The following PPP1R1C variants were observed in gnomAD, a reference collection of about 807,000 sequenced individuals.
PPP1R1C encodes the protein protein phosphatase 1 regulatory subunit 1C.
A neutral mutation model predicts 17.4 loss-of-function variants in PPP1R1C; 15 were observed. The ratio of observed to expected loss-of-function variants is 0.86; its 90% CI spans 0.58 to 1.33. The LOEUF (loss-of-function observed/expected upper bound fraction) is 1.33. PPP1R1C is among the 40% of genes most tolerant of loss of function. The pLI is 0.00. For missense variants in PPP1R1C, 143 were observed against 130.0 expected (o/e 1.10, Z -0.48); for synonymous variants, 35 against 43.1 (o/e 0.81, Z 0.73).
chr2:182,091,489 A>T (rs968317964), intron 4 of PPP1R1C, among the ~76,000 whole-genome samples: 3 of 59,798 alleles, frequency 5.0e-5, no homozygotes, highest in African/African-American at 4.4e-5. Context: ...AAAAAATAAT[A>T]AAAAAAAAAG....
downstream of PPP1R1C, chr2:182,131,061 A>G (rs781176520): frequency 1.3e-5 from 2 of 152,242 alleles, no homozygotes; most frequent in Non-Finnish European, 1.5e-5. Flanking sequence ...AAAAATAGAC[A>G]TTGTCATCAT....
At chr2:182,084,621 T>C (rs1310696925) in intron 4 of PPP1R1C, among the ~76,000 whole-genome samples, 2 of 152,182 alleles carry the variant, frequency 1.3e-5, no homozygotes, top group Admixed American at 1.3e-4. Context: ...TATTGGTCTA[T>C]GCATCTACTT....
At chr2:182,058,654 A>C (rs1301318639) in intron 2 of PPP1R1C, among the ~76,000 whole-genome samples, 1 of 152,158 alleles carries the variant, frequency 6.6e-6, no homozygotes, top group Non-Finnish European at 1.5e-5. Flanking sequence ...CACATGAGGA[A>C]AACTCTGTAA....
At position 182,079,726 on chromosome 2, in the gene PPP1R1C, G is replaced by A. The variant is rs138693355; in HGVS notation, c.241+15935G>A. ...TGAAGCTAGATGTCTAAAAACCAAGGTATCAGTAGGGCCATGCTCCCACTG... is the reference window on the plus strand; with the variant it reads ...TGAAGCTAGATGTCTAAAAACCAAGATATCAGTAGGGCCATGCTCCCACTG... On this transcript the variant is annotated intron_variant, in intron 4 of 4. Transcript: ENST00000682840. Among the ~76,000 whole-genome samples, 342 of 152,236 alleles carry A rather than the reference G, an allele frequency of 2.2e-3. 1 individual carries two copies. Among genetic ancestry groups the A allele is most frequent in the African/African-American group, 7.3e-3 (304 of 41,536 alleles).
At chr2:182,068,070 A>G (rs947023845) in intron 4 of PPP1R1C, among the ~76,000 whole-genome samples, 4 of 152,120 alleles carry the variant, frequency 2.6e-5, no homozygotes, top group Non-Finnish European at 5.9e-5. Flanking sequence ...GACAGTCTTT[A>G]TCTCAGCCAT....
intron 5 of PPP1R1C, among the ~76,000 whole-genome samples, chr2:182,126,028 C>A (rs1174238183): frequency 6.6e-6 from 1 of 151,786 alleles, no homozygotes; most frequent in Non-Finnish European, 1.5e-5. Flanking sequence ...AGATCTTTCC[C>A]ACTTTCTAAT....
chr2:182,078,657 T>C (rs1211400871), intron 4 of PPP1R1C, among the ~76,000 whole-genome samples: 1 of 152,246 alleles, frequency 6.6e-6, no homozygotes, highest in East Asian at 1.9e-4. Flanking sequence ...AGGAGAAACG[T>C]GGGCTTGAAT....
At chr2:182,080,226 T>G (rs1407417062) in intron 4 of PPP1R1C, among the ~76,000 whole-genome samples, 2 of 152,220 alleles carry the variant, frequency 1.3e-5, no homozygotes, top group African/African-American at 4.8e-5. Context: ...GCATATCTTC[T>G]CGACAGCACA....
chr2:182,064,561 T>A (rs1337598791), intron 4 of PPP1R1C, among the ~76,000 whole-genome samples: 2 of 152,028 alleles, frequency 1.3e-5, no homozygotes, highest in Non-Finnish European at 2.9e-5. Context: ...CCTCTGGAGT[T>A]TGGAGAGAGG....
intron 3 of PPP1R1C, among the ~76,000 whole-genome samples, chr2:182,062,768 T>C (rs1339240947): frequency 6.6e-6 from 1 of 152,136 alleles, no homozygotes; most frequent in African/African-American, 2.4e-5. Flanking sequence ...TAAAACAGTT[T>C]CTAGTTTAAA....
At chr2:182,007,594 T>C (rs1235044108) in intron 2 of PPP1R1C, among the ~76,000 whole-genome samples, 1 of 152,194 alleles carries the variant, frequency 6.6e-6, no homozygotes, top group Non-Finnish European at 1.5e-5. Context: ...TTGTCCTGAC[T>C]TCCACTAACC....
At chr2:182,055,811 A>G (rs186454269) in intron 2 of PPP1R1C, among the ~76,000 whole-genome samples, 1 of 152,176 alleles carries the variant, frequency 6.6e-6, no homozygotes, top group Non-Finnish European at 1.5e-5. Flanking sequence ...GATGTTTTCA[A>G]ATTGCTCTGA....
chr2:181,958,996 G>A (rs1226150544), intron 1 of PPP1R1C, among the ~76,000 whole-genome samples: 2 of 152,220 alleles, frequency 1.3e-5, no homozygotes, highest in African/African-American at 4.8e-5. Flanking sequence ...ATACCTGAGA[G>A]TAGAGTTGAC....
intron 4 of PPP1R1C, among the ~76,000 whole-genome samples, chr2:182,094,756 C>A (rs1217408642): frequency 6.6e-6 from 1 of 152,146 alleles, no homozygotes; most frequent in Non-Finnish European, 1.5e-5. Context: ...TGACCTTGAG[C>A]AGTAGGATAT....
chr2:181,982,320 T>A (rs145090961), upstream of PPP1R1C, among the ~76,000 whole-genome samples: 549 of 152,210 alleles, frequency 3.6e-3, 4 homozygotes, highest in African/African-American at 0.013. Context: ...AACAGCAAGG[T>A]GTAGGGCTTG....
intron 4 of PPP1R1C, among the ~76,000 whole-genome samples, chr2:182,096,972 C>T (rs1688959861): frequency 6.6e-6 from 1 of 152,176 alleles, no homozygotes; most frequent in Non-Finnish European, 1.5e-5. Flanking sequence ...GTGACAAAGA[C>T]TGCACACAGA....
chr2:182,125,990 T>C (rs1689863423), intron 5 of PPP1R1C, among the ~76,000 whole-genome samples: 1 of 152,152 alleles, frequency 6.6e-6, no homozygotes, highest in African/African-American at 2.4e-5. Flanking sequence ...TCTACTTCTT[T>C]TAATTGTGAT....
At chr2:182,059,661 A>AT (rs1187893432) in intron 2 of PPP1R1C, among the ~76,000 whole-genome samples, 1 of 152,030 alleles carries the variant, frequency 6.6e-6, no homozygotes, top group African/African-American at 2.4e-5. Context: ...ATAAGACTGA[A>AT]TTTTTTTAAT....
At chr2:182,055,246 C>T (rs1239575083) in intron 2 of PPP1R1C, among the ~76,000 whole-genome samples, 1 of 152,122 alleles carries the variant, frequency 6.6e-6, no homozygotes, top group East Asian at 1.9e-4. Context: ...AGTATAGAAA[C>T]TTCCCTCTAA....
Sources: gnomAD v4.1 joint callset for allele counts (sites outside exome capture counted in the v4.1 genomes callset) on GRCh38, gnomAD v4.1.1 for gene constraint, MANE v1.5 for transcripts, NCBI Gene and HGNC (gene_info 2026-07-23, HGNC 2026-07-21) for gene names.